The following FSHR variants were observed in gnomAD, a reference collection of about 807,000 sequenced individuals.
FSHR encodes the protein follicle stimulating hormone receptor.
In FSHR, 46 loss-of-function variants were observed where a neutral mutation model predicts 52.1. That is an observed-to-expected ratio of 0.88 (90% CI 0.70 to 1.13). The LOEUF (loss-of-function observed/expected upper bound fraction) is 1.13, where lower values mean the gene tolerates loss of function less well. Ranked by LOEUF, FSHR falls within the 50% of genes most tolerant of loss-of-function variation. FSHR has a pLI of 0.00. For missense variants in FSHR, 964 were observed against 834.6 expected (o/e 1.16, Z -1.91); for synonymous variants, 399 against 309.6 (o/e 1.29, Z -3.03).
At chr2:49,038,645 A>G (rs1668377482) in intron 2 of FSHR, among the ~76,000 whole-genome samples, 1 of 143,712 alleles carries the variant, frequency 7.0e-6, no homozygotes, top group African/African-American at 2.5e-5. Flanking sequence ...TAATAATAAT[A>G]ATAATAATAA....
At chr2:49,079,415 G>A (rs997211004) in intron 1 of FSHR, among the ~76,000 whole-genome samples, 2 of 152,026 alleles carry the variant, frequency 1.3e-5, no homozygotes, top group African/African-American at 4.8e-5. Context: ...TTATATGGAA[G>A]AGCAAGTTTT....
At chr2:49,105,634 C>G (rs1282889181) in intron 1 of FSHR, among the ~76,000 whole-genome samples, 2 of 152,132 alleles carry the variant, frequency 1.3e-5, no homozygotes, top group Non-Finnish European at 2.9e-5. Context: ...CCTGTTGGCT[C>G]TCATTTCCCA....
At chr2:48,968,487 C>T (rs1674578242) in intron 9 of FSHR, among the ~76,000 whole-genome samples, 1 of 152,228 alleles carries the variant, frequency 6.6e-6, no homozygotes, top group South Asian at 2.1e-4. Context: ...ACATGGGTAG[C>T]CCTCTCCTGT....
intron 8 of FSHR, among the ~76,000 whole-genome samples, chr2:48,981,031 T>G (rs974633731): frequency 1.3e-5 from 2 of 152,200 alleles, no homozygotes; most frequent in Non-Finnish European, 2.9e-5. Flanking sequence ...GAAACTGACA[T>G]GCTGCTATTG....
chr2:49,035,206 T>C (rs1455202856), intron 2 of FSHR, among the ~76,000 whole-genome samples: 1 of 152,192 alleles, frequency 6.6e-6, no homozygotes, highest in Non-Finnish European at 1.5e-5. Context: ...TCACTGATAA[T>C]TACAGGAGAG....
At chr2:49,033,879 C>A (rs71407540) in intron 2 of FSHR, among the ~76,000 whole-genome samples, 6,085 of 152,190 alleles carry the variant, frequency 0.04, 157 homozygotes, top group South Asian at 0.064. Context: ...ATTTTTAGAG[C>A]TTTAAGTCCT....
chr2:49,112,850 G>A (rs1671468922), intron 1 of FSHR, among the ~76,000 whole-genome samples: 1 of 152,130 alleles, frequency 6.6e-6, no homozygotes. Flanking sequence ...CTGCGTATTT[G>A]AAAGTTACAT....
intron 1 of FSHR, among the ~76,000 whole-genome samples, chr2:49,090,968 T>G (rs1217567431): frequency 6.6e-6 from 1 of 152,130 alleles, no homozygotes; most frequent in African/African-American, 2.4e-5. Flanking sequence ...TTTTTCTTGT[T>G]TTCTTTCTGG....
At chr2:49,021,851 CTCTCTCTCTCTCTA>C (rs1288653901) in intron 2 of FSHR, among the ~76,000 whole-genome samples, 2 of 33,410 alleles carry the variant, frequency 6.0e-5, no homozygotes, top group African/African-American at 2.6e-4. Context: ...CTCTCTCTCT[CTCTCTCTCTCTCTA>C]TATATATATA....
At chr2:48,976,415 G>A (rs1324411356) in intron 8 of FSHR, among the ~76,000 whole-genome samples, 3 of 152,162 alleles carry the variant, frequency 2.0e-5, no homozygotes, top group African/African-American at 4.8e-5. Flanking sequence ...TTTTCGCATC[G>A]ATGTTCATCA....
intron 2 of FSHR, among the ~76,000 whole-genome samples, chr2:49,043,296 G>T (rs531355554): frequency 2.6e-5 from 4 of 152,194 alleles, no homozygotes; most frequent in East Asian, 3.9e-4. Context: ...GGCAGGGTAG[G>T]GGGTGGGGTA....
chr2:49,143,466 CAA>C (rs969327314), intron 1 of FSHR, among the ~76,000 whole-genome samples: 13 of 151,942 alleles, frequency 8.6e-5, no homozygotes, highest in African/African-American at 2.9e-4. Flanking sequence ...GTACCTGTGA[CAA>C]GAAGAATTTT....
At chr2:48,993,875 T>C (rs766939220) in intron 4 of FSHR, among the ~76,000 whole-genome samples, 4 of 152,198 alleles carry the variant, frequency 2.6e-5, no homozygotes, top group East Asian at 1.9e-4. Flanking sequence ...GTTACACATG[T>C]CATTTCTTCA....
chr2:49,119,492 A>G (rs937025177), intron 1 of FSHR, among the ~76,000 whole-genome samples: 1 of 152,230 alleles, frequency 6.6e-6, no homozygotes, highest in Non-Finnish European at 1.5e-5. Flanking sequence ...AAGCCCATCA[A>G]TTCAATTTAT....
At chr2:49,150,812 G>A (rs564971011) in intron 1 of FSHR, among the ~76,000 whole-genome samples, 1 of 152,022 alleles carries the variant, frequency 6.6e-6, no homozygotes, top group Admixed American at 6.6e-5. Flanking sequence ...CACTCTCTCA[G>A]CTATAGTCTA....
At position 48,984,753 on chromosome 2, in the gene FSHR, C is replaced by T. The variant is rs113554721; in HGVS notation, c.525-1587G>A. On this transcript the variant is annotated intron_variant, in intron 6 of 9. Transcript: ENST00000406846. ...GCTGACCCTTAATCCATACAGGTTC[C>T]ACCTATTTGCCTATTGACTAGATAA... 4.5e-3 allele frequency among the ~76,000 whole-genome samples: 688 copies of T among 152,200 alleles called. 4 individuals are homozygous for T. Among genetic ancestry groups the T allele is most frequent in the African/African-American group, 0.016 (663 of 41,532 alleles).
At chr2:48,998,085 G>A (rs975062411) in intron 4 of FSHR, among the ~76,000 whole-genome samples, 5 of 151,966 alleles carry the variant, frequency 3.3e-5, no homozygotes, top group Non-Finnish European at 7.4e-5. Flanking sequence ...TTGAAGTCAA[G>A]GAAAACTACT....
rs1558389436 is a variant in FSHR at position 49,013,487 on chromosome 2, T to TATATAAATATATATATATAAATAA, written c.374+4001_374+4002insTTATTTATATATATATATTTATAT. Among the ~76,000 whole-genome samples, 4 of 63,896 alleles carry TATATAAATATATATATATAAATAA rather than the reference T, an allele frequency of 6.3e-5. 1 individual carries two copies. Among genetic ancestry groups the TATATAAATATATATATATAAATAA allele is most frequent in the African/African-American group, 1.9e-4 (4 of 20,790 alleles). 41.9% of individuals were successfully genotyped at this position (63,896 alleles called of 152,430 possible). A position where few individuals can be genotyped will look rare whatever the true frequency, so the allele number is the denominator to read the frequency against. On this transcript the variant is annotated intron_variant, in intron 4 of 9. Transcript: ENST00000406846. Reference sequence around the variant, plus strand: ...AAATATATATATATATATAAATAAATATATATATATATAAATATATATATA... The same window carrying TATATAAATATATATATATAAATAA: ...AAATATATATATATATATAAATAAATATATAAATATATATATATAAATAAATATATATATATAAATATATATATA...
chr2:49,124,515 C>T (rs1231094623), intron 1 of FSHR, among the ~76,000 whole-genome samples: 1 of 152,008 alleles, frequency 6.6e-6, no homozygotes, highest in African/African-American at 2.4e-5. Context: ...CTTGTTTCTC[C>T]TGTGTTCTTT....
Sources: gnomAD v4.1 joint callset for allele counts (sites outside exome capture counted in the v4.1 genomes callset) on GRCh38, gnomAD v4.1.1 for gene constraint, MANE v1.5 for transcripts, NCBI Gene and HGNC (gene_info 2026-07-23, HGNC 2026-07-21) for gene names.